FER1L6: variants seen among roughly 807,000 people sequenced by gnomAD.
The protein encoded by FER1L6 is fer-1-like protein 6.
In FER1L6, 177 loss-of-function variants were observed where a neutral mutation model predicts 219.2. The ratio of observed to expected loss-of-function variants is 0.81; its 90% CI spans 0.71 to 0.91. The LOEUF (loss-of-function observed/expected upper bound fraction) is 0.91, where lower values mean the gene tolerates loss of function less well. Among genes scored for constraint, FER1L6 ranks in the 40% least tolerant of loss-of-function variants. The pLI is 0.00. For missense variants in FER1L6, 2,153 were observed against 2,259.9 expected (o/e 0.95, Z 0.96); for synonymous variants, 768 against 824.3 (o/e 0.93, Z 1.17).
chr8:124,015,766 A>G (rs1365306053), intron 15 of FER1L6: 1 of 152,264 alleles, frequency 6.6e-6, no homozygotes, highest in Non-Finnish European at 1.5e-5. Flanking sequence ...ATGATAGCTA[A>G]TCATTCCCCC....
intron 1 of FER1L6, among the ~76,000 whole-genome samples, chr8:123,905,977 C>A (rs1184365194): frequency 2.0e-5 from 3 of 152,068 alleles, no homozygotes; most frequent in African/African-American, 7.2e-5. Flanking sequence ...AGAAATCAGA[C>A]AGGAACCAAG....
At chr8:123,922,160 T>C (rs1813382065) in intron 1 of FER1L6, among the ~76,000 whole-genome samples, 1 of 152,142 alleles carries the variant, frequency 6.6e-6, no homozygotes, top group Admixed American at 6.5e-5. Flanking sequence ...CAAGCCAACA[T>C]GCACCCGGTG....
chr8:124,040,131 T>A, intron 20 of FER1L6, 125 bp downstream of exon 20: 1 of 1,312,428 alleles, frequency 7.6e-7, no homozygotes, highest in Non-Finnish European at 1.1e-6. Flanking sequence ...TGTAGATGTT[T>A]CAGACTGAAA....
chr8:124,061,741 G>A, intron 24 of FER1L6, 111 bp from the exon 25 acceptor site: 1 of 1,039,360 alleles, frequency 9.6e-7, no homozygotes, highest in Non-Finnish European at 1.4e-6. Flanking sequence ...GACTGGCCAG[G>A]AGGGACAGAA....
intron 1 of FER1L6, among the ~76,000 whole-genome samples, chr8:123,951,437 C>G (rs1189298386): frequency 6.6e-6 from 1 of 152,146 alleles, no homozygotes; most frequent in Non-Finnish European, 1.5e-5. Flanking sequence ...TCACATGGGT[C>G]TATATTTTAA....
chr8:124,071,754 T>G, intron 31 of FER1L6, 123 bp downstream of exon 31: 4 of 1,248,318 alleles, frequency 3.2e-6, no homozygotes, highest in Non-Finnish European at 4.4e-6. Context: ...TTGAATGCCA[T>G]AAGTCTATAA....
At chr8:124,108,344 G>C (rs113355654) in intron 39 of FER1L6, among the ~76,000 whole-genome samples, 4 of 42,304 alleles carry the variant, frequency 9.5e-5, no homozygotes, top group African/African-American at 3.9e-4. Flanking sequence ...ATTAAAGTAT[G>C]TACACCTCAT....
intron 9 of FER1L6, among the ~76,000 whole-genome samples, chr8:123,976,440 C>T (rs552178344): frequency 3.3e-5 from 5 of 151,246 alleles, no homozygotes; most frequent in African/African-American, 7.3e-5. Context: ...ACTTGAGAGG[C>T]GGAGGTTGCA....
rs1816278673 is a variant in FER1L6 at position 123,980,587 on chromosome 8, A to G, written c.1186A>G (p.Arg396Gly). 1 of 1,614,068 alleles carries G rather than the reference A, an allele frequency of 6.2e-7. No homozygotes were observed. Among genetic ancestry groups the G allele is most frequent in the Admixed American group, 1.7e-5 (1 of 60,004 alleles). ...GFGEGVSFRG[R>G]ILVEIAVEIL... ...TGGGGAAGGTGTGTCATTCAGGGGC[A>G]GAATCTTGGTAGAAATTGCTGTGGA... Residue 396 changes from arginine (R) to glycine (G), a missense_variant, in exon 11 of 41, where the codon AGA becomes GGA. Transcript: ENST00000522917.
At chr8:124,088,932 G>C (rs1428233929) in intron 33 of FER1L6, among the ~76,000 whole-genome samples, 1 of 151,884 alleles carries the variant, frequency 6.6e-6, no homozygotes, top group East Asian at 1.9e-4. Context: ...AGTCTGTCCT[G>C]GGCCTCTGAA....
chr8:124,042,338 T>C (rs766005302), intron 20 of FER1L6, among the ~76,000 whole-genome samples: 2 of 152,380 alleles, frequency 1.3e-5, no homozygotes, highest in Non-Finnish European at 1.5e-5. Flanking sequence ...TTGTTAATAA[T>C]AATAGCTGCT....
chr8:124,011,793 G>A (rs1279826965), intron 14 of FER1L6, among the ~76,000 whole-genome samples: 1 of 152,010 alleles, frequency 6.6e-6, no homozygotes, highest in African/African-American at 2.4e-5. Context: ...CCAACACCCT[G>A]TTATTTTCCT....
At chr8:123,974,672 A>G (rs1328135622) in intron 7 of FER1L6, among the ~76,000 whole-genome samples, 3 of 149,098 alleles carry the variant, frequency 2.0e-5, no homozygotes, top group African/African-American at 7.4e-5. Context: ...AAAAAAAAAA[A>G]AAAAAAAAAA....
chr8:123,993,216 G>A (rs1031239882), intron 12 of FER1L6, among the ~76,000 whole-genome samples: 11 of 152,044 alleles, frequency 7.2e-5, no homozygotes, highest in African/African-American at 2.2e-4. Flanking sequence ...GCCGAGGCGG[G>A]CGGATCACGA....
At chr8:123,917,602 A>G (rs1198886572) in intron 1 of FER1L6, among the ~76,000 whole-genome samples, 4 of 152,238 alleles carry the variant, frequency 2.6e-5, no homozygotes, top group Admixed American at 6.5e-5. Flanking sequence ...TGCTGAATGT[A>G]AAAATAATGC....
chr8:123,985,077 C>T (rs1586554056), intron 11 of FER1L6: 2 of 152,272 alleles, frequency 1.3e-5, no homozygotes, highest in East Asian at 3.9e-4. Flanking sequence ...CTTGTGATGA[C>T]TCCTGTCTTA....
At chr8:124,048,979 T>G (rs754745665) in intron 21 of FER1L6, among the ~76,000 whole-genome samples, 1 of 152,138 alleles carries the variant, frequency 6.6e-6, no homozygotes, top group East Asian at 1.9e-4. Flanking sequence ...GCTCAATATA[T>G]GAGAGAGATA....
intron 1 of FER1L6, among the ~76,000 whole-genome samples, chr8:123,902,542 C>T (rs1252637080): frequency 6.6e-6 from 1 of 152,146 alleles, no homozygotes; most frequent in Non-Finnish European, 1.5e-5. Flanking sequence ...TGCACAAGGC[C>T]TTTTACCATC....
chr8:124,105,446 G>A (rs1042840757), intron 39 of FER1L6, among the ~76,000 whole-genome samples: 2 of 152,152 alleles, frequency 1.3e-5, no homozygotes, highest in African/African-American at 4.8e-5. Flanking sequence ...GCCTCACCTA[G>A]GAAACACATC....
Sources: allele counts gnomAD v4.1 joint callset (sites outside exome capture counted in the v4.1 genomes callset), GRCh38; gene constraint gnomAD v4.1.1; transcripts MANE v1.5; gene names NCBI Gene and HGNC (gene_info 2026-07-23, HGNC 2026-07-21).